Variants in GPHN observed in about 807,000 individuals in gnomAD.
GPHN encodes gephyrin.
GPHN carries 17 observed loss-of-function variants against 95.5 expected under a neutral mutation model. That is an observed-to-expected ratio of 0.18 (90% confidence interval 0.12 to 0.27). The LOEUF (loss-of-function observed/expected upper bound fraction) is 0.27, where lower values mean the gene tolerates loss of function less well. GPHN is among the 10% of genes least tolerant of loss of function. GPHN has a pLI of 1.00. For synonymous variants in GPHN, 320 were observed against 322.5 expected (o/e 0.99, Z 0.08); for missense variants, 660 against 978.1 (o/e 0.67, Z 4.34).
intron 2 of GPHN, among the ~76,000 whole-genome samples, chr14:66,712,908 AT>A (rs1202128496): frequency 2.0e-5 from 3 of 151,850 alleles, no homozygotes; most frequent in Non-Finnish European, 4.4e-5. Flanking sequence ...GATGTTGAGC[AT>A]TTTTTCATGT....
intron 3 of GPHN, among the ~76,000 whole-genome samples, chr14:66,794,010 TA>T (rs1010280229): frequency 1.3e-5 from 2 of 152,184 alleles, no homozygotes; most frequent in Admixed American, 1.3e-4. Context: ...CAAGTATTTT[TA>T]AAAACCCATC....
Position 67,143,390 on chromosome 14 carries a change from G to A in GPHN, c.1777G>A (p.Glu593Lys). The change falls in exon 18 of 23, where the codon GAG becomes AAG. Residue 593 changes from glutamate (E) to lysine (K), a missense_variant. This residue lies in a region of GPHN where 257 missense variants were observed against 376.2 expected (regional missense o/e 0.68). Transcript: ENST00000478722. ...NPDDLLNALNEGISRADVIIT... is the reference protein window; with the variant it reads ...NPDDLLNALNKGISRADVIIT... ...AGATGACTTACTCAATGCCTTGAATGAGGGTATCAGTCGTGCTGATGTCAT... is the reference window on the plus strand; with the variant it reads ...AGATGACTTACTCAATGCCTTGAATAAGGGTATCAGTCGTGCTGATGTCAT... 1 of 1,611,124 alleles carries A rather than the reference G, an allele frequency of 6.2e-7. No homozygotes were observed. Among genetic ancestry groups the A allele is most frequent in the Non-Finnish European group, 8.5e-7 (1 of 1,177,292 alleles).
the GPHN span, among the ~76,000 whole-genome samples, chr14:67,657,534 A>C: frequency 1.3e-5 from 2 of 152,096 alleles, no homozygotes; most frequent in African/African-American, 4.8e-5. Flanking sequence ...GGCCAGAATT[A>C]ACAACCACTG....
At chr14:67,064,782 C>A (rs924152232) in intron 11 of GPHN, among the ~76,000 whole-genome samples, 5 of 151,952 alleles carry the variant, frequency 3.3e-5, no homozygotes, top group African/African-American at 9.7e-5. Flanking sequence ...TGGTGATATC[C>A]CCTTTATCAT....
chr14:67,224,955 T>A, the GPHN span: 2 of 594,226 alleles, frequency 3.4e-6, no homozygotes, highest in African/African-American at 3.9e-5. Context: ...TAAATACATT[T>A]TTGATGAGGT....
chr14:67,564,144 G>A, the GPHN span, among the ~76,000 whole-genome samples: 1,100 of 151,304 alleles, frequency 7.3e-3, 3 homozygotes, highest in Non-Finnish European at 0.011. Flanking sequence ...CTCGTGATCC[G>A]CCCGCCTCAG....
chr14:67,314,646 T>C, the GPHN span, among the ~76,000 whole-genome samples: 1 of 152,234 alleles, frequency 6.6e-6, no homozygotes, highest in Admixed American at 6.5e-5. Context: ...CTTTAGCCCA[T>C]AAATGTTTAG....
the GPHN span, among the ~76,000 whole-genome samples, chr14:67,283,862 G>T: frequency 6.6e-6 from 1 of 152,180 alleles, no homozygotes; most frequent in Non-Finnish European, 1.5e-5. Flanking sequence ...TTAAGCAGTA[G>T]TAGGTTTTAA....
At chr14:67,242,639 T>A in the GPHN span, among the ~76,000 whole-genome samples, 6 of 152,128 alleles carry the variant, frequency 3.9e-5, no homozygotes, top group Admixed American at 6.6e-5. Flanking sequence ...TTTTTTTTTT[T>A]ACTAGATCCC....
the GPHN span, among the ~76,000 whole-genome samples, chr14:67,414,008 G>A: frequency 2.0e-3 from 309 of 152,366 alleles, no homozygotes; most frequent in Admixed American, 2.3e-3. Flanking sequence ...CTGAAACCTA[G>A]CTGGGCTGAA....
chr14:67,113,578 A>G (rs913520306), intron 16 of GPHN, among the ~76,000 whole-genome samples: 3 of 152,210 alleles, frequency 2.0e-5, no homozygotes, highest in African/African-American at 7.2e-5. Context: ...GGAAGTATCA[A>G]TGAATCAGGA....
intron 2 of GPHN, among the ~76,000 whole-genome samples, chr14:66,702,725 C>T (rs377518200): frequency 1.2e-3 from 184 of 152,180 alleles, no homozygotes; most frequent in African/African-American, 4.1e-3. Flanking sequence ...ATGCTGAAAA[C>T]CCAAAAGGCC....
chr14:67,258,329 G>A, the GPHN span, among the ~76,000 whole-genome samples: 1 of 152,156 alleles, frequency 6.6e-6, no homozygotes, highest in Admixed American at 6.5e-5. Flanking sequence ...GAGCTCAGGA[G>A]TTCGAGACTA....
the GPHN span, among the ~76,000 whole-genome samples, chr14:67,374,902 C>T: frequency 6.6e-6 from 1 of 152,170 alleles, no homozygotes; most frequent in African/African-American, 2.4e-5. Context: ...ATGCACTTGG[C>T]CAAAATACAG....
chr14:67,623,131 T>C, the GPHN span, among the ~76,000 whole-genome samples: 1 of 152,198 alleles, frequency 6.6e-6, no homozygotes, highest in Non-Finnish European at 1.5e-5. Flanking sequence ...TAGCTCAGTA[T>C]CACCAGCAGT....
At chr14:66,627,883 T>G (rs2063583018) in intron 1 of GPHN, among the ~76,000 whole-genome samples, 1 of 152,172 alleles carries the variant, frequency 6.6e-6, no homozygotes, top group South Asian at 2.1e-4. Context: ...TAGTTCATAG[T>G]TTTATTAAAG....
the GPHN span, among the ~76,000 whole-genome samples, chr14:67,242,245 T>G: frequency 6.6e-6 from 1 of 152,140 alleles, no homozygotes; most frequent in Admixed American, 6.5e-5. Flanking sequence ...GAATGTAGGT[T>G]TCGGTCAAAA....
intron 12 of GPHN, among the ~76,000 whole-genome samples, chr14:67,100,056 T>C (rs1013652600): frequency 6.6e-6 from 1 of 152,002 alleles, no homozygotes. Flanking sequence ...TATTTTTTAA[T>C]AAATTTTTTA....
chr14:67,312,833 G>T, the GPHN span: 1 of 795,088 alleles, frequency 1.3e-6, no homozygotes, highest in Non-Finnish European at 1.8e-6. Flanking sequence ...ACTTTTTCGT[G>T]TAGTTGGGTT....
Sources: allele counts gnomAD v4.1 joint callset (sites outside exome capture counted in the v4.1 genomes callset), GRCh38; gene constraint gnomAD v4.1.1; regional missense constraint gnomAD v4.1.1; transcripts MANE v1.5; gene names NCBI Gene and HGNC (gene_info 2026-07-23, HGNC 2026-07-21).